PLPP4: variants seen among roughly 807,000 people sequenced by gnomAD.
PLPP4 encodes phospholipid phosphatase 4.
A neutral mutation model predicts 32.2 loss-of-function variants in PLPP4; 20 were observed. That is an observed-to-expected ratio of 0.62 (90% CI 0.44 to 0.90). The LOEUF is 0.90. Among genes scored for constraint, PLPP4 ranks in the 40% least tolerant of loss-of-function variants. The probability of loss-of-function intolerance (pLI) is 0.00; values close to 1 mark genes in which losing one functional copy is unlikely to be tolerated. For synonymous variants in PLPP4, 127 were observed against 133.0 expected (o/e 0.95, Z 0.31); for missense variants, 257 against 353.1 (o/e 0.73, Z 2.18).
At chr10:120,563,251 C>G (rs1430282631) in intron 5 of PLPP4, among the ~76,000 whole-genome samples, 1 of 151,124 alleles carries the variant, frequency 6.6e-6, no homozygotes, top group East Asian at 1.9e-4. Context: ...AAAACCAAAC[C>G]AAACAAACAA....
intron 5 of PLPP4, among the ~76,000 whole-genome samples, chr10:120,523,865 C>T (rs766668127): frequency 6.6e-5 from 10 of 152,158 alleles, no homozygotes; most frequent in Non-Finnish European, 1.2e-4. Context: ...AACGAAATAG[C>T]TGTCATGTGA....
At chr10:120,524,910 A>G (rs548508410) in intron 5 of PLPP4, among the ~76,000 whole-genome samples, 1 of 151,696 alleles carries the variant, frequency 6.6e-6, no homozygotes, top group African/African-American at 2.4e-5. Context: ...TACTGATTCA[A>G]CTTCCAGAGA....
intron 1 of PLPP4, among the ~76,000 whole-genome samples, chr10:120,488,694 G>C (rs1007401533): frequency 2.6e-5 from 4 of 152,152 alleles, no homozygotes; most frequent in South Asian, 4.1e-4. Context: ...CACACTACTT[G>C]GGCAGGCTCT....
rs959626329 is a variant in PLPP4, at chr10:120,503,983, G to A, written c.165+57G>A. The A allele has an allele frequency of 9.0e-6, 11 of 1,216,180 alleles. No homozygotes were observed. The South Asian group carries it at 1.1e-4, about 12-fold the overall frequency. The allele number at this position is 1,216,180 out of a possible 1,614,324, so 75.3% of individuals were successfully genotyped here. The stretch of plus-strand genomic sequence containing the variant: ...TGCTCTCTCAAAGATGAACCAAATG[G>A]GTTTTCATCTTTGTTTTTCTAACCC... On this transcript the variant is annotated intron_variant, in intron 2 of 6. Transcript: ENST00000398250.
At chr10:120,563,801 C>A (rs1330056003) in intron 5 of PLPP4, among the ~76,000 whole-genome samples, 2 of 49,648 alleles carry the variant, frequency 4.0e-5, no homozygotes, top group Non-Finnish European at 7.3e-5. Context: ...AGCGAGACTC[C>A]GTCTCAAAAA....
At chr10:120,531,334 G>C (rs1846709671) in intron 5 of PLPP4, among the ~76,000 whole-genome samples, 1 of 152,016 alleles carries the variant, frequency 6.6e-6, no homozygotes, top group Admixed American at 6.6e-5. Context: ...TCGATCTCTT[G>C]ACCTCATGAT....
intron 1 of PLPP4, among the ~76,000 whole-genome samples, chr10:120,489,345 G>T (rs1016654125): frequency 3.3e-5 from 5 of 152,188 alleles, no homozygotes; most frequent in African/African-American, 1.2e-4. Flanking sequence ...CAAAGTCCAG[G>T]CTCCCTGAGA....
chr10:120,571,260 A>G (rs928799931), intron 5 of PLPP4, among the ~76,000 whole-genome samples: 1 of 152,036 alleles, frequency 6.6e-6, no homozygotes, highest in Non-Finnish European at 1.5e-5. Context: ...TAATGTTAGC[A>G]GGATATGAGC....
chr10:120,463,586 TAATCC>T (rs1242755860), intron 1 of PLPP4, among the ~76,000 whole-genome samples: 4 of 152,240 alleles, frequency 2.6e-5, no homozygotes, highest in Non-Finnish European at 4.4e-5. Context: ...CCACCCTTGT[TAATCC>T]CTATTGCATA....
rs61308734 is a variant in PLPP4 at position 120,476,077 on chromosome 10, A to G, written c.56+18716A>G. Reference sequence around the variant, plus strand: ...ATGTGCCTGCATCACCACTGTCCACATGGACAGCAGGGGCCTTGGAGATCT... The same window carrying G: ...ATGTGCCTGCATCACCACTGTCCACGTGGACAGCAGGGGCCTTGGAGATCT... On this transcript the variant is annotated intron_variant, in intron 1 of 6. Coordinates refer to ENST00000398250, the MANE Select transcript of PLPP4 (RefSeq NM_001030059.3). Among the ~76,000 whole-genome samples the G allele has an allele frequency of 2.6e-5, 4 of 152,276 alleles. No homozygotes were observed. The East Asian group carries it at 7.8e-4, about 30-fold the overall frequency.
intron 6 of PLPP4, among the ~76,000 whole-genome samples, chr10:120,583,390 C>A (rs1381654481): frequency 6.6e-6 from 1 of 152,086 alleles, no homozygotes; most frequent in Non-Finnish European, 1.5e-5. Flanking sequence ...TTTCCACTAC[C>A]ATTGGAGTTT....
At chr10:120,565,644 G>A (rs893337075) in intron 5 of PLPP4, among the ~76,000 whole-genome samples, 1 of 151,988 alleles carries the variant, frequency 6.6e-6, no homozygotes, top group Non-Finnish European at 1.5e-5. Flanking sequence ...CTGTGTCTAG[G>A]TGTGGAGTTC....
chr10:120,495,582 C>T (rs1195554378), intron 1 of PLPP4, among the ~76,000 whole-genome samples: 3 of 152,100 alleles, frequency 2.0e-5, no homozygotes, highest in East Asian at 1.9e-4. Context: ...GCTTTCCTTT[C>T]GGCTCTCACC....
At chr10:120,490,190 G>A (rs554221338) in intron 1 of PLPP4, among the ~76,000 whole-genome samples, 1 of 152,342 alleles carries the variant, frequency 6.6e-6, no homozygotes, top group East Asian at 1.9e-4. Context: ...CCTTGACTCA[G>A]GTGATGGCCA....
chr10:120,582,232 G>A (rs1849544206), intron 6 of PLPP4, among the ~76,000 whole-genome samples: 1 of 152,152 alleles, frequency 6.6e-6, no homozygotes, highest in Admixed American at 6.5e-5. Context: ...TCAAAGTGTT[G>A]GCAAAGCCAC....
intron 1 of PLPP4, among the ~76,000 whole-genome samples, chr10:120,497,554 A>G (rs1490427824): frequency 6.6e-6 from 1 of 152,224 alleles, no homozygotes; most frequent in Non-Finnish European, 1.5e-5. Context: ...CACAAACTAA[A>G]GAGAAAATTG....
chr10:120,579,757 T>C (rs1849393678), intron 6 of PLPP4, among the ~76,000 whole-genome samples: 1 of 151,888 alleles, frequency 6.6e-6, no homozygotes, highest in Non-Finnish European at 1.5e-5. Flanking sequence ...ACAGAGCCAT[T>C]ACATGAAATC....
intron 1 of PLPP4, among the ~76,000 whole-genome samples, chr10:120,489,890 G>T (rs1432585421): frequency 6.6e-6 from 1 of 152,148 alleles, no homozygotes; most frequent in Admixed American, 6.5e-5. Flanking sequence ...GGATTTATTT[G>T]TTCAGTCATT....
intron 1 of PLPP4, among the ~76,000 whole-genome samples, chr10:120,487,625 G>A (rs763838787): frequency 1.5e-4 from 23 of 152,184 alleles, no homozygotes; most frequent in Non-Finnish European, 2.8e-4. Context: ...AAGTGTGAAT[G>A]AAATAATGTA....
Sources: allele counts gnomAD v4.1 joint callset (sites outside exome capture counted in the v4.1 genomes callset), GRCh38; gene constraint gnomAD v4.1.1; transcripts MANE v1.5; gene names NCBI Gene and HGNC (gene_info 2026-07-23, HGNC 2026-07-21).